Variants in RAP1GAP2 observed in about 807,000 individuals in gnomAD.
RAP1GAP2 encodes the protein RAP1 GTPase activating protein 2, also known as rap1 GTPase-activating protein 2.
Under a neutral mutation model 95.0 loss-of-function variants are expected in RAP1GAP2, and 27 were observed. The ratio of observed to expected loss-of-function variants is 0.28; its 90% CI spans 0.21 to 0.39. RAP1GAP2 has a LOEUF of 0.39. Ranked by LOEUF, RAP1GAP2 falls within the 10% of genes least tolerant of loss-of-function variation. The pLI is 1.00. For synonymous variants in RAP1GAP2, 373 were observed against 380.9 expected, an observed-to-expected ratio of 0.98 and a Z score of 0.24; for missense variants, 771 against 970.0, an observed-to-expected ratio of 0.79 and a Z score of 2.72.
intron 2 of RAP1GAP2, among the ~76,000 whole-genome samples, chr17:2,859,827 C>T (rs540456857): frequency 1.3e-5 from 2 of 152,104 alleles, no homozygotes; most frequent in African/African-American, 4.8e-5. Context: ...TTGTGGATGG[C>T]ATCTCCTGGT....
chr17:2,818,733 G>A (rs549612078), intron 2 of RAP1GAP2, among the ~76,000 whole-genome samples: 1 of 152,298 alleles, frequency 6.6e-6, no homozygotes, highest in South Asian at 2.1e-4. Context: ...TTTTGAATTT[G>A]TGTGAGGTGG....
chr17:2,790,171 G>A (rs2068888114), intron 1 of RAP1GAP2, among the ~76,000 whole-genome samples: 1 of 151,826 alleles, frequency 6.6e-6, no homozygotes, highest in Non-Finnish European at 1.5e-5. Context: ...GGAGTGCAGC[G>A]GCATGATCTC....
At chr17:2,792,074 G>T (rs2068939832), upstream of RAP1GAP2, among the ~76,000 whole-genome samples, 1 of 144,788 alleles carries the variant, frequency 6.9e-6, no homozygotes, top group South Asian at 2.2e-4. Context: ...TGGCCAGGCT[G>T]GTCTTGAACT....
chr17:2,832,752 G>A (rs373135184), intron 2 of RAP1GAP2, among the ~76,000 whole-genome samples: 1 of 151,784 alleles, frequency 6.6e-6, no homozygotes, highest in Non-Finnish European at 1.5e-5. Context: ...CGAGGCGGGC[G>A]ATGGCTCGAG....
At chr17:2,810,251 G>A (rs1041587538) in intron 2 of RAP1GAP2, among the ~76,000 whole-genome samples, 1 of 152,124 alleles carries the variant, frequency 6.6e-6, no homozygotes, top group Non-Finnish European at 1.5e-5. Flanking sequence ...ATCCCCGATG[G>A]CCTTCCCTGG....
intron 3 of RAP1GAP2, among the ~76,000 whole-genome samples, chr17:2,953,864 AAT>A (rs1248511970): frequency 6.6e-6 from 1 of 152,184 alleles, no homozygotes; most frequent in Non-Finnish European, 1.5e-5. Flanking sequence ...TAAAAAATAA[AAT>A]AAAGTGTACA....
intron 1 of RAP1GAP2, among the ~76,000 whole-genome samples, chr17:2,781,816 C>T (rs934439158): frequency 6.7e-6 from 1 of 148,496 alleles, no homozygotes; most frequent in Admixed American, 6.7e-5. Flanking sequence ...GTGCACGTCT[C>T]TGTGTGTGCA....
intron 2 of RAP1GAP2, among the ~76,000 whole-genome samples, chr17:2,850,125 C>G (rs1348766481): frequency 6.6e-6 from 1 of 151,234 alleles, no homozygotes; most frequent in African/African-American, 2.4e-5. Flanking sequence ...CTCAGCCTCC[C>G]GAGTAGCTGG....
chr17:2,920,286 C>T (rs761176481), intron 3 of RAP1GAP2, among the ~76,000 whole-genome samples: 2 of 152,308 alleles, frequency 1.3e-5, no homozygotes. Context: ...GGTGAGGGCT[C>T]GGCTCTGTCT....
chr17:2,830,613 C>G (rs1259191916), intron 2 of RAP1GAP2, among the ~76,000 whole-genome samples: 1 of 151,866 alleles, frequency 6.6e-6, no homozygotes, highest in Non-Finnish European at 1.5e-5. Context: ...ACTCAGGAAG[C>G]TGAGGCAGGA....
chr17:2,803,589 C>T (rs926292475), intron 2 of RAP1GAP2, among the ~76,000 whole-genome samples: 1 of 152,200 alleles, frequency 6.6e-6, no homozygotes, highest in Admixed American at 6.5e-5. Context: ...GATTTCAAAA[C>T]GTATCGCGGC....
chr17:2,879,433 T>C (rs1315813426), intron 2 of RAP1GAP2, among the ~76,000 whole-genome samples: 1 of 151,870 alleles, frequency 6.6e-6, no homozygotes, highest in Non-Finnish European at 1.5e-5. Flanking sequence ...CCTTCTTACA[T>C]TGAAAGTCCC....
rs555571114 is a variant in RAP1GAP2, at chr17:2,905,464, C to T, written c.165+96C>T. On this transcript the variant is annotated intron_variant, in intron 3 of 24. Transcript: ENST00000254695. ...TGGCTCCAGGCCCAGCAGCGTCCGT[C>T]GCAGTGGGGCTGTGGAGTGTCCTGA... The T allele has an allele frequency of 7.5e-5, 92 of 1,224,042 alleles. No individual in the cohort carries two copies. In the African/African-American group the frequency reaches 1.0e-3, roughly 14 times the overall value. 75.8% of individuals were successfully genotyped at this position (1,224,042 alleles called of 1,614,324 possible). A position where few individuals can be genotyped will look rare whatever the true frequency, so the allele number is the denominator to read the frequency against.
At chr17:2,913,710 A>C (rs1285597210) in intron 3 of RAP1GAP2, among the ~76,000 whole-genome samples, 1 of 152,176 alleles carries the variant, frequency 6.6e-6, no homozygotes, top group South Asian at 2.1e-4. Flanking sequence ...GTATACTTTG[A>C]CTAATGATAC....
chr17:2,772,861 T>TA (rs1567637209), upstream of RAP1GAP2, among the ~76,000 whole-genome samples: 37 of 145,668 alleles, frequency 2.5e-4, no homozygotes, highest in African/African-American at 9.1e-4. Context: ...CTTTCTTTTT[T>TA]TTTTTTTTTT....
chr17:2,923,305 T>G (rs2042851640), intron 3 of RAP1GAP2, among the ~76,000 whole-genome samples: 1 of 151,044 alleles, frequency 6.6e-6, no homozygotes, highest in Admixed American at 6.6e-5. Flanking sequence ...CCCAAAGTGC[T>G]GGGGTTACAG....
chr17:2,829,151 T>A (rs1374232236), intron 2 of RAP1GAP2, among the ~76,000 whole-genome samples: 1 of 151,782 alleles, frequency 6.6e-6, no homozygotes, highest in Non-Finnish European at 1.5e-5. Context: ...CCCGGCTAAT[T>A]TTTTGTATTT....
intron 3 of RAP1GAP2, among the ~76,000 whole-genome samples, chr17:2,954,259 C>G (rs1164536130): frequency 6.6e-6 from 1 of 151,948 alleles, no homozygotes; most frequent in Admixed American, 6.6e-5. Context: ...CGCCCGCCAC[C>G]ATGCCCAGCT....
Position 2,991,020 on chromosome 17 carries a change from T to A in RAP1GAP2, c.814-277T>A, listed in dbSNP as rs191189720. Among the ~76,000 whole-genome samples, 19 of 151,990 alleles carry A rather than the reference T, an allele frequency of 1.3e-4. No homozygotes were observed. The East Asian group carries it at 2.7e-3, about 22-fold the overall frequency. ...CCACCATGCCCAGTTACTTTTTGTATTTTTAGTAGAGACAAGGTTTCACCA... is the reference window on the plus strand; with the variant it reads ...CCACCATGCCCAGTTACTTTTTGTAATTTTAGTAGAGACAAGGTTTCACCA... On this transcript the variant is annotated intron_variant, in intron 11 of 24. Coordinates refer to ENST00000254695, the MANE Select transcript of RAP1GAP2 (RefSeq NM_015085.5).
Sources: allele counts gnomAD v4.1 joint callset (sites outside exome capture counted in the v4.1 genomes callset), GRCh38; gene constraint gnomAD v4.1.1; transcripts MANE v1.5; gene names NCBI Gene and HGNC (gene_info 2026-07-23, HGNC 2026-07-21).